The following MYO3B variants were observed in gnomAD, a reference collection of about 807,000 sequenced individuals.
MYO3B encodes myosin-IIIb.
Under a neutral mutation model 174.6 loss-of-function variants are expected in MYO3B, and 156 were observed. The ratio of observed to expected loss-of-function variants is 0.89; its 90% CI spans 0.78 to 1.02. The LOEUF (loss-of-function observed/expected upper bound fraction) is 1.02. Among genes scored for constraint, MYO3B ranks in the 50% least tolerant of loss-of-function variants. The probability of loss-of-function intolerance (pLI) is 0.00; values close to 1 mark genes in which losing one functional copy is unlikely to be tolerated. For synonymous variants in MYO3B, 563 were observed against 569.1 expected, an observed-to-expected ratio of 0.99 and a Z score of 0.15; for missense variants, 1,632 against 1,639.4, an observed-to-expected ratio of 1.00 and a Z score of 0.08.
chr2:170,603,963 A>G (rs1694666952), intron 32 of MYO3B, among the ~76,000 whole-genome samples: 1 of 152,174 alleles, frequency 6.6e-6, no homozygotes, highest in South Asian at 2.1e-4. Context: ...ACAATTTTTT[A>G]CCACTGTGTT....
At chr2:170,519,172 G>A (rs892711028) in intron 29 of MYO3B, among the ~76,000 whole-genome samples, 1 of 152,032 alleles carries the variant, frequency 6.6e-6, no homozygotes, top group African/African-American at 2.4e-5. Context: ...TCTAATCTGT[G>A]CACTCTTTAT....
At chr2:170,602,734 C>T (rs1006905142) in intron 32 of MYO3B, among the ~76,000 whole-genome samples, 69 of 152,140 alleles carry the variant, frequency 4.5e-4, no homozygotes, top group African/African-American at 1.6e-3. Context: ...GAAGCTCCAG[C>T]GTCTCCCCAG....
At chr2:170,335,305 G>A in intron 7 of MYO3B, 80 bp from the exon 8 acceptor site, 1 of 1,026,592 alleles carries the variant, frequency 9.7e-7, no homozygotes, top group Non-Finnish European at 1.5e-6. Flanking sequence ...TATTTAGAAT[G>A]ATATCAATAA....
At chr2:170,405,904 G>C (rs779024631) in intron 21 of MYO3B, among the ~76,000 whole-genome samples, 4 of 152,174 alleles carry the variant, frequency 2.6e-5, no homozygotes, top group Non-Finnish European at 5.9e-5. Flanking sequence ...TCTCCAGAGA[G>C]AAAACACATT....
intron 32 of MYO3B, among the ~76,000 whole-genome samples, chr2:170,559,580 A>T (rs1223078895): frequency 6.6e-6 from 1 of 152,214 alleles, no homozygotes; most frequent in Non-Finnish European, 1.5e-5. Flanking sequence ...GCAATTTTTT[A>T]AAAAGAACAG....
intron 30 of MYO3B, among the ~76,000 whole-genome samples, chr2:170,530,226 G>C (rs1257852829): frequency 6.6e-6 from 1 of 152,156 alleles, no homozygotes; most frequent in Admixed American, 6.5e-5. Context: ...GAGAGCTCTC[G>C]TGAAACAGAG....
chr2:170,360,005 T>C (rs1435459249), intron 8 of MYO3B, among the ~76,000 whole-genome samples: 2 of 152,188 alleles, frequency 1.3e-5, no homozygotes, highest in Non-Finnish European at 2.9e-5. Flanking sequence ...TGTGTAAGTT[T>C]GGTATTACCC....
At chr2:170,368,595 C>T (rs1012290151) in intron 8 of MYO3B, among the ~76,000 whole-genome samples, 6 of 152,162 alleles carry the variant, frequency 3.9e-5, no homozygotes, top group African/African-American at 1.2e-4. Context: ...TTTATCATTT[C>T]GAATGGACTT....
At chr2:170,310,665 C>CAAAAAA (rs746315736) in intron 7 of MYO3B, among the ~76,000 whole-genome samples, 1,514 of 61,128 alleles carry the variant, frequency 0.025, 185 homozygotes, top group Middle Eastern at 0.074. Context: ...GACTCCATCT[C>CAAAAAA]AAAAAAAAAA....
chr2:170,598,161 T>G (rs952788107), intron 32 of MYO3B, among the ~76,000 whole-genome samples: 2 of 152,194 alleles, frequency 1.3e-5, no homozygotes, highest in African/African-American at 4.8e-5. Context: ...TCAACTGCAG[T>G]GTCCAAAATG....
intron 7 of MYO3B, among the ~76,000 whole-genome samples, chr2:170,291,398 A>G (rs2093595090): frequency 6.6e-6 from 1 of 152,180 alleles, no homozygotes; most frequent in Admixed American, 6.5e-5. Context: ...TGCTGTAACT[A>G]TTATTGTTTT....
intron 32 of MYO3B, among the ~76,000 whole-genome samples, chr2:170,554,752 C>T (rs1412544686): frequency 1.3e-5 from 2 of 152,230 alleles, no homozygotes; most frequent in East Asian, 1.9e-4. Flanking sequence ...TAGGTTTTGG[C>T]GTTGGCCCAG....
At chr2:170,619,737 CTTTTT>C (rs71412032) in intron 32 of MYO3B, among the ~76,000 whole-genome samples, 17 of 50,780 alleles carry the variant, frequency 3.3e-4, no homozygotes, top group South Asian at 1.1e-3. Flanking sequence ...CTGCCATATT[CTTTTT>C]TTTTTTTTTT....
At chr2:170,561,016 C>T (rs770663105) in intron 32 of MYO3B, among the ~76,000 whole-genome samples, 3 of 152,234 alleles carry the variant, frequency 2.0e-5, no homozygotes, top group Non-Finnish European at 2.9e-5. Flanking sequence ...CACTTGTACT[C>T]TGCCTTCTGA....
chr2:170,387,724 T>C (rs1305529172), intron 14 of MYO3B, among the ~76,000 whole-genome samples: 2 of 152,082 alleles, frequency 1.3e-5, no homozygotes, highest in African/African-American at 2.4e-5. Flanking sequence ...GGGAAAGCAT[T>C]TGGTAATAGA....
Position 170,399,242 on chromosome 2 carries a change from C to CAAAAAAAAAAA in MYO3B, c.1792-932_1792-922dup, listed in dbSNP as rs71399532. On this transcript the variant is annotated intron_variant, in intron 16 of 34. Coordinates refer to ENST00000408978, the MANE Select transcript of MYO3B (RefSeq NM_138995.5). ...GGGCAACAAGAGCGAAATTCCGTCT[C>CAAAAAAAAAAA]AAAAAAAAAAAAAAAAAAAAAAAAG... 1.5e-3 allele frequency among the ~76,000 whole-genome samples: 24 copies of CAAAAAAAAAAA among 15,610 alleles called. 1 individual carries two copies. The highest frequency in any genetic ancestry group is 3.5e-3 in the South Asian group (1 of 286). 10.2% of individuals were successfully genotyped at this position (15,610 alleles called of 152,430 possible).
rs147207681 is a variant in MYO3B, at chr2:170,584,313, T to C, written c.3733+40325T>C. ...CTATGGATAAAGTTTTTTAATTTTT[T>C]TTTTCTTTTTAAGAGTAAAACAGGG... On this transcript the variant is annotated intron_variant, in intron 32 of 34. Transcript: ENST00000408978. Among the ~76,000 whole-genome samples the C allele has an allele frequency of 8.4e-4, 128 of 152,348 alleles. No individual in the cohort carries two copies. The East Asian group carries it at 0.015, about 17-fold the overall frequency.
chr2:170,375,721 G>GCACACACA lies in MYO3B; in HGVS notation c.972-6278_972-6271dup, dbSNP rs60928016. 6.0e-3 allele frequency among the ~76,000 whole-genome samples: 896 copies of GCACACACA among 148,786 alleles called. 8 individuals carry two copies. Among genetic ancestry groups the GCACACACA allele is most frequent in the African/African-American group, 0.02 (800 of 40,462 alleles). ...TCTACCTTCAAATATGTGCATGCAT[G>GCACACACA]CACACACACACACACACACACACAG... On this transcript the variant is annotated intron_variant, in intron 9 of 34. Coordinates refer to ENST00000408978, the MANE Select transcript of MYO3B (RefSeq NM_138995.5).
chr2:170,407,601 T>TATGAAAGCTAA, intron 21 of MYO3B, 114 bp from the exon 22 acceptor site: 1 of 1,190,174 alleles, frequency 8.4e-7, no homozygotes, highest in Non-Finnish European at 1.2e-6. Context: ...ATGAAAGCTA[T>TATGAAAGCTAA]GTAAAGATGA....
Sources: gnomAD v4.1 joint callset for allele counts (sites outside exome capture counted in the v4.1 genomes callset) on GRCh38, gnomAD v4.1.1 for gene constraint, MANE v1.5 for transcripts, NCBI Gene and HGNC (gene_info 2026-07-23, HGNC 2026-07-21) for gene names.